Variants in KCNH8 observed in about 807,000 individuals in gnomAD.
The protein encoded by KCNH8 is potassium voltage-gated channel subfamily H member 8.
Under a neutral mutation model 103.6 loss-of-function variants are expected in KCNH8, and 70 were observed. The observed-to-expected ratio is 0.68, with a 90% CI of 0.56 to 0.82. The LOEUF (loss-of-function observed/expected upper bound fraction) is 0.82. KCNH8 is among the 40% of genes least tolerant of loss of function. KCNH8 has a pLI of 0.00. For synonymous variants in KCNH8, 498 were observed against 489.4 expected, an observed-to-expected ratio of 1.02 and a Z score of -0.23; for missense variants, 1,217 against 1,329.9, an observed-to-expected ratio of 0.92 and a Z score of 1.32.
At chr3:19,490,264 C>G (rs2068290309) in intron 11 of KCNH8, among the ~76,000 whole-genome samples, 1 of 152,336 alleles carries the variant, frequency 6.6e-6, no homozygotes, top group East Asian at 1.9e-4. Context: ...AAGAACCGCT[C>G]AGACACCGAA....
At chr3:19,475,964 C>T (rs959200695) in intron 11 of KCNH8, among the ~76,000 whole-genome samples, 6 of 152,116 alleles carry the variant, frequency 3.9e-5, no homozygotes, top group Non-Finnish European at 8.8e-5. Context: ...GAGTACAATA[C>T]TGTAGTATAA....
At chr3:19,165,013 AG>A (rs2063268769) in intron 1 of KCNH8, among the ~76,000 whole-genome samples, 1 of 152,122 alleles carries the variant, frequency 6.6e-6, no homozygotes, top group Non-Finnish European at 1.5e-5. Context: ...CAGGATCAAG[AG>A]GGGTGGAATT....
intron 5 of KCNH8, among the ~76,000 whole-genome samples, chr3:19,350,072 T>C (rs1447686623): frequency 6.6e-6 from 1 of 152,160 alleles, no homozygotes; most frequent in Non-Finnish European, 1.5e-5. Flanking sequence ...TTTCCTGCTG[T>C]TATCTGCCTG....
chr3:19,494,953 T>C lies in KCNH8; in HGVS notation c.2041-15410T>C, dbSNP rs981891576. 2.6e-5 allele frequency among the ~76,000 whole-genome samples: 4 copies of C among 152,234 alleles called. No individual in the cohort carries two copies. The South Asian group carries it at 6.2e-4, about 24-fold the overall frequency. ...TTTGCATTTCTCTAATGGTTAGTGATGATGAGCATTTTTTCATATGTTTTC... is the reference window on the plus strand; with the variant it reads ...TTTGCATTTCTCTAATGGTTAGTGACGATGAGCATTTTTTCATATGTTTTC... On this transcript the variant is annotated intron_variant, in intron 11 of 15. Transcript: ENST00000328405.
intron 3 of KCNH8, among the ~76,000 whole-genome samples, chr3:19,303,254 C>A (rs569894894): frequency 1.3e-5 from 2 of 152,004 alleles, no homozygotes; most frequent in Non-Finnish European, 2.9e-5. Context: ...AGATTAAATG[C>A]GTGGATTTCC....
At chr3:19,489,475 G>A (rs1315311462) in intron 11 of KCNH8, among the ~76,000 whole-genome samples, 1 of 152,062 alleles carries the variant, frequency 6.6e-6, no homozygotes, top group Non-Finnish European at 1.5e-5. Context: ...TGGGTGCCCT[G>A]GCTTACAAGT....
intron 1 of KCNH8, among the ~76,000 whole-genome samples, chr3:19,194,709 A>G (rs994907488): frequency 1.1e-4 from 16 of 151,884 alleles, no homozygotes; most frequent in East Asian, 1.9e-4. Context: ...GAGATCAATC[A>G]TACCCCAAAC....
At chr3:19,493,053 T>C (rs1013384534) in intron 11 of KCNH8, among the ~76,000 whole-genome samples, 1 of 151,176 alleles carries the variant, frequency 6.6e-6, no homozygotes, top group Non-Finnish European at 1.5e-5. Flanking sequence ...AGAAATGCTA[T>C]TGATTTTTGT....
chr3:19,417,154 T>C (rs2066876197), intron 7 of KCNH8, among the ~76,000 whole-genome samples: 1 of 149,180 alleles, frequency 6.7e-6, no homozygotes, highest in Non-Finnish European at 1.5e-5. Context: ...TTGGAAGATA[T>C]ATATATAATC....
chr3:19,351,762 G>C (rs1559487830), intron 5 of KCNH8, among the ~76,000 whole-genome samples: 1 of 152,118 alleles, frequency 6.6e-6, no homozygotes, highest in Non-Finnish European at 1.5e-5. Flanking sequence ...GGAACAACCG[G>C]TACCAGCCAC....
At chr3:19,367,459 TATATC>T (rs1302089479) in intron 5 of KCNH8, among the ~76,000 whole-genome samples, 1 of 146,928 alleles carries the variant, frequency 6.8e-6, no homozygotes, top group Non-Finnish European at 1.5e-5. Context: ...CAGAAATATA[TATATC>T]ATAATATATA....
chr3:19,435,329 T>C (rs559365327), intron 7 of KCNH8, among the ~76,000 whole-genome samples: 4 of 152,294 alleles, frequency 2.6e-5, no homozygotes, highest in African/African-American at 9.6e-5. Flanking sequence ...AGCCTTATTT[T>C]TCACATCTTT....
At chr3:19,430,082 G>C (rs1001347772) in intron 7 of KCNH8, among the ~76,000 whole-genome samples, 4 of 152,164 alleles carry the variant, frequency 2.6e-5, no homozygotes, top group Non-Finnish European at 2.9e-5. Context: ...TATATACCCA[G>C]TAATGGGATT....
At chr3:19,497,709 T>C (rs539738848) in intron 11 of KCNH8, among the ~76,000 whole-genome samples, 6 of 152,318 alleles carry the variant, frequency 3.9e-5, no homozygotes, top group African/African-American at 1.4e-4. Context: ...GAAGGATGTA[T>C]ATTCTGTTGT....
chr3:19,284,149 AAAAC>A (rs2064795781), intron 3 of KCNH8, among the ~76,000 whole-genome samples: 1 of 152,132 alleles, frequency 6.6e-6, no homozygotes, highest in Non-Finnish European at 1.5e-5. Flanking sequence ...AACATTAAAA[AAAAC>A]TAAATGAGTG....
intron 8 of KCNH8, 109 bp downstream of exon 8, chr3:19,438,470 G>A: frequency 1.1e-6 from 1 of 916,038 alleles, no homozygotes; most frequent in Non-Finnish European, 1.6e-6. Context: ...ATTAACACTG[G>A]AAGATTCTAA....
intron 6 of KCNH8, chr3:19,391,744 GA>G (rs1166796461): frequency 6.6e-6 from 1 of 151,870 alleles, no homozygotes; most frequent in African/African-American, 2.4e-5. Flanking sequence ...CAACTGAAAG[GA>G]AAGCTCCCAG....
intron 5 of KCNH8, among the ~76,000 whole-genome samples, chr3:19,377,188 A>G (rs1327812261): frequency 6.6e-6 from 1 of 152,244 alleles, no homozygotes; most frequent in Non-Finnish European, 1.5e-5. Flanking sequence ...AAAAAACTAA[A>G]ATAAAAGATA....
chr3:19,362,605 G>A (rs544453761), intron 5 of KCNH8, among the ~76,000 whole-genome samples: 8 of 152,202 alleles, frequency 5.3e-5, no homozygotes, highest in African/African-American at 1.9e-4. Context: ...AGCGTATCTT[G>A]AGGTGGCATG....
Sources: allele counts gnomAD v4.1 joint callset (sites outside exome capture counted in the v4.1 genomes callset), GRCh38; gene constraint gnomAD v4.1.1; transcripts MANE v1.5; gene names NCBI Gene and HGNC (gene_info 2026-07-23, HGNC 2026-07-21).